Variants in KCNB2 observed in about 807,000 individuals in gnomAD.
KCNB2 encodes the protein potassium voltage-gated channel subfamily B member 2.
KCNB2 carries 15 observed loss-of-function variants against 61.5 expected under a neutral mutation model. The ratio of observed to expected loss-of-function variants is 0.24; its 90% CI spans 0.16 to 0.38. The LOEUF is 0.38. KCNB2 is among the 10% of genes least tolerant of loss of function. The pLI is 1.00. For synonymous variants in KCNB2, 457 were observed against 446.0 expected, an observed-to-expected ratio of 1.02 and a Z score of -0.31; for missense variants, 828 against 1,125.2, an observed-to-expected ratio of 0.74 and a Z score of 3.78.
chr8:72,634,422 AC>A (rs957763434), intron 2 of KCNB2, among the ~76,000 whole-genome samples: 12 of 152,264 alleles, frequency 7.9e-5, no homozygotes, highest in African/African-American at 2.6e-4. Context: ...ATTTCTAACC[AC>A]TTCCCAGATG....
chr8:72,755,472 A>G (rs1462265673), intron 2 of KCNB2, among the ~76,000 whole-genome samples: 1 of 152,226 alleles, frequency 6.6e-6, no homozygotes, highest in Non-Finnish European at 1.5e-5. Context: ...TTACAAATCT[A>G]AAACTGTTCT....
chr8:72,891,242 G>T (rs537728936), intron 2 of KCNB2, among the ~76,000 whole-genome samples: 1 of 152,340 alleles, frequency 6.6e-6, no homozygotes, highest in South Asian at 2.1e-4. Context: ...GCACTGTAAA[G>T]ATTGTGGTCA....
intron 1 of KCNB2, among the ~76,000 whole-genome samples, chr8:72,563,703 G>A (rs754456360): frequency 6.6e-6 from 1 of 152,082 alleles, no homozygotes; most frequent in African/African-American, 2.4e-5. Context: ...CAAGCAGAAA[G>A]GCTCAGTGAG....
At chr8:72,753,007 A>T (rs759256319) in intron 2 of KCNB2, among the ~76,000 whole-genome samples, 3 of 152,216 alleles carry the variant, frequency 2.0e-5, no homozygotes, top group Non-Finnish European at 4.4e-5. Context: ...ACCTCAGTCT[A>T]TGAATCAAAA....
chr8:72,691,036 G>A (rs1387375930), intron 2 of KCNB2, among the ~76,000 whole-genome samples: 5 of 152,270 alleles, frequency 3.3e-5, no homozygotes, highest in African/African-American at 4.8e-5. Context: ...AGTCGACTTG[G>A]TGCCCGTTTT....
rs1252322036 is a variant in KCNB2, at chr8:72,563,929, C to T, written c.-93-3713C>T. Reference sequence around the variant, plus strand: ...TTAACCATGGTAACAATAATAAGAGCAGATCATTTTTAAGTCTTAAGAAAA... The same window carrying T: ...TTAACCATGGTAACAATAATAAGAGTAGATCATTTTTAAGTCTTAAGAAAA... On this transcript the variant is annotated intron_variant, in intron 1 of 2. Coordinates refer to ENST00000523207, the MANE Select transcript of KCNB2 (RefSeq NM_004770.3). Among the ~76,000 whole-genome samples the T allele has an allele frequency of 2.6e-5, 4 of 152,236 alleles. No individual in the cohort carries two copies. The East Asian group carries it at 7.7e-4, about 29-fold the overall frequency.
chr8:72,610,595 T>C (rs1402442191), intron 2 of KCNB2, among the ~76,000 whole-genome samples: 2 of 152,166 alleles, frequency 1.3e-5, no homozygotes, highest in African/African-American at 2.4e-5. Context: ...GCACTTTCTA[T>C]AGGCAAGGCA....
chr8:72,762,073 A>T (rs957954767), intron 2 of KCNB2, among the ~76,000 whole-genome samples: 5 of 152,192 alleles, frequency 3.3e-5, no homozygotes, highest in African/African-American at 1.2e-4. Flanking sequence ...TTCTTTATGA[A>T]ATACATTGTA....
At chr8:72,583,809 A>C (rs1806948816) in intron 2 of KCNB2, among the ~76,000 whole-genome samples, 1 of 148,456 alleles carries the variant, frequency 6.7e-6, no homozygotes, top group South Asian at 2.2e-4. Context: ...ATCATCTAAA[A>C]TATTTTTACA....
At chr8:72,903,410 G>T (rs141573906) in intron 2 of KCNB2, among the ~76,000 whole-genome samples, 1 of 152,098 alleles carries the variant, frequency 6.6e-6, no homozygotes. Flanking sequence ...TCTGTCGCTG[G>T]CTGGACAACC....
At chr8:72,889,434 T>C (rs1053910320) in intron 2 of KCNB2, among the ~76,000 whole-genome samples, 2 of 152,192 alleles carry the variant, frequency 1.3e-5, no homozygotes, top group African/African-American at 4.8e-5. Context: ...ATACCTGTAA[T>C]GCCAGCACTT....
At chr8:72,704,500 G>GGTGT (rs10524175) in intron 2 of KCNB2, among the ~76,000 whole-genome samples, 1,497 of 147,628 alleles carry the variant, frequency 0.01, 31 homozygotes, top group East Asian at 0.075. Context: ...AGAGAAAGCT[G>GGTGT]GTGTGTGTGT....
intron 2 of KCNB2, among the ~76,000 whole-genome samples, chr8:72,812,316 A>G (rs1334380029): frequency 1.3e-5 from 2 of 151,638 alleles, no homozygotes; most frequent in African/African-American, 2.4e-5. Flanking sequence ...CACTTTGGGT[A>G]TTCTTTCTTA....
chr8:72,750,411 C>G (rs1299681395), intron 2 of KCNB2: 2 of 152,168 alleles, frequency 1.3e-5, no homozygotes, highest in Non-Finnish European at 2.9e-5. Context: ...CTCACCTGCA[C>G]AGTTGAATTT....
intron 2 of KCNB2, among the ~76,000 whole-genome samples, chr8:72,928,823 G>A (rs1418502265): frequency 6.6e-6 from 1 of 150,578 alleles, no homozygotes; most frequent in Non-Finnish European, 1.5e-5. Flanking sequence ...CAGTCCTAAG[G>A]AAAAAAAGAT....
chr8:72,583,515 A>T (rs2128980671), intron 2 of KCNB2, among the ~76,000 whole-genome samples: 1 of 151,570 alleles, frequency 6.6e-6, no homozygotes, highest in East Asian at 1.9e-4. Context: ...TTCTGCTGTT[A>T]ATTATTTGTG....
At chr8:72,773,782 T>C (rs922347670) in intron 2 of KCNB2, among the ~76,000 whole-genome samples, 5 of 152,332 alleles carry the variant, frequency 3.3e-5, no homozygotes, top group South Asian at 2.1e-4. Flanking sequence ...ATTTTGTACC[T>C]AAGAACTTTC....
At chr8:72,644,758 G>A (rs1335776452) in intron 2 of KCNB2, among the ~76,000 whole-genome samples, 1 of 152,180 alleles carries the variant, frequency 6.6e-6, no homozygotes, top group Non-Finnish European at 1.5e-5. Flanking sequence ...TTACTGAACT[G>A]CTCATGTACT....
At chr8:72,663,893 T>G (rs1806422636) in intron 2 of KCNB2, among the ~76,000 whole-genome samples, 2 of 152,322 alleles carry the variant, frequency 1.3e-5, no homozygotes, top group South Asian at 4.1e-4. Context: ...AACTGCAGTT[T>G]GTCTGTTTGT....
Sources: gnomAD v4.1 joint callset for allele counts (sites outside exome capture counted in the v4.1 genomes callset) on GRCh38, gnomAD v4.1.1 for gene constraint, MANE v1.5 for transcripts, NCBI Gene and HGNC (gene_info 2026-07-23, HGNC 2026-07-21) for gene names.